The following METAP2 variants were observed in gnomAD, a reference collection of about 807,000 sequenced individuals.
METAP2 encodes the protein methionine aminopeptidase 2.
Under a neutral mutation model 59.4 loss-of-function variants are expected in METAP2, and 25 were observed. The observed-to-expected ratio is 0.42, with a 90% CI of 0.31 to 0.59. The LOEUF (loss-of-function observed/expected upper bound fraction) is 0.59, where lower values mean the gene tolerates loss of function less well. Ranked by LOEUF, METAP2 falls within the 20% of genes least tolerant of loss-of-function variation. The probability of loss-of-function intolerance (pLI) is 0.16; values close to 1 mark genes in which losing one functional copy is unlikely to be tolerated. For synonymous variants in METAP2, 214 were observed against 194.1 expected, an observed-to-expected ratio of 1.10 and a Z score of -0.85; for missense variants, 366 against 581.2, an observed-to-expected ratio of 0.63 and a Z score of 3.81.
intron 2 of METAP2, chr12:95,481,992 G>A (rs1188099025): frequency 3.4e-6 from 1 of 289,994 alleles, no homozygotes; most frequent in African/African-American, 2.3e-5. Flanking sequence ...GGTGAAGAAG[G>A]TTACTGTTAA....
chr12:95,495,971 A>G (rs1218351390), intron 6 of METAP2, 33 bp from the exon 7 acceptor site: 2 of 1,271,662 alleles, frequency 1.6e-6, no homozygotes, highest in East Asian at 2.3e-5. Flanking sequence ...ACTAGCTGAT[A>G]AGTAAAATTA....
At chr12:95,474,437 T>A in intron 1 of METAP2, 107 bp downstream of exon 1, 1 of 1,238,656 alleles carries the variant, frequency 8.1e-7, no homozygotes, top group Non-Finnish European at 1.1e-6. Context: ...CCGACTAGAC[T>A]GATTCTTGGG....
intron 4 of METAP2, among the ~76,000 whole-genome samples, chr12:95,490,566 ATT>A (rs67031623): frequency 0.4 from 41,403 of 102,468 alleles, 5,895 homozygotes; most frequent in East Asian, 0.63. Context: ...TGAAGCCTGT[ATT>A]TTTTTTTTTT....
At chr12:95,497,758 G>C (rs2076285597) in intron 7 of METAP2, among the ~76,000 whole-genome samples, 1 of 151,972 alleles carries the variant, frequency 6.6e-6, no homozygotes, top group Non-Finnish European at 1.5e-5. Flanking sequence ...GGTAGTTTTT[G>C]TTTGTTTTTT....
intron 8 of METAP2, among the ~76,000 whole-genome samples, chr12:95,509,880 C>G (rs960990852): frequency 6.8e-6 from 1 of 148,040 alleles, no homozygotes; most frequent in African/African-American, 2.5e-5. Flanking sequence ...ACTCTGTCGC[C>G]CAGACTGGAG....
Position 95,502,706 on chromosome 12 carries a change from A to G in METAP2, c.868-1359A>G, listed in dbSNP as rs151042084. Among the ~76,000 whole-genome samples, 1,057 of 152,128 alleles carry G rather than the reference A, an allele frequency of 6.9e-3. 7 individuals are homozygous for G. Among genetic ancestry groups the G allele is most frequent in the Non-Finnish European group, 7.5e-3 (507 of 68,006 alleles). On this transcript the variant is annotated intron_variant, in intron 7 of 10. Coordinates refer to ENST00000323666, the MANE Select transcript of METAP2 (RefSeq NM_006838.4). ...TCTTCTGAAAATTTCCATAATGCAT[A>G]TATTGGTATACTTGATATACAGGTC... is the stretch of plus-strand genomic sequence containing the variant.
intron 9 of METAP2, 112 bp downstream of exon 9, chr12:95,512,110 C>T (rs1313609626): frequency 4.6e-6 from 3 of 655,696 alleles, no homozygotes; most frequent in Middle Eastern, 2.6e-4. Flanking sequence ...TGCTTATCAT[C>T]CATATTCACC....
Position 95,493,738 on chromosome 12 carries a change from A to G in METAP2, c.429-318A>G, listed in dbSNP as rs556411731. 1.7e-4 allele frequency among the ~76,000 whole-genome samples: 26 copies of G among 152,296 alleles called. 1 individual carries two copies. The East Asian group carries it at 5.0e-3, about 29-fold the overall frequency. The stretch of plus-strand genomic sequence containing the variant: ...TCAAGTGGAAGGATGACTTTTTCCT[A>G]CTTACTCTGATTCTAGGACTCTTCA... On this transcript the variant is annotated intron_variant, in intron 4 of 10. Transcript: ENST00000323666.
chr12:95,504,851 G>C (rs1419402982), intron 8 of METAP2, among the ~76,000 whole-genome samples: 1 of 152,194 alleles, frequency 6.6e-6, no homozygotes, highest in Admixed American at 6.5e-5. Context: ...AGTTCCTTCT[G>C]TATCACTTTA....
intron 3 of METAP2, 184 bp downstream of exon 3, chr12:95,483,464 A>C: frequency 4.4e-6 from 1 of 226,336 alleles, no homozygotes. Context: ...CAACAGAGTG[A>C]GACTCTGTCT....
At position 95,495,893 on chromosome 12, in the gene METAP2, GCCTT is replaced by G. The variant is rs1429933709; in HGVS notation, c.773-109_773-106del. On this transcript the variant is annotated intron_variant, in intron 6 of 10. Transcript: ENST00000323666. ...TATTTGGAGTGCAGCCTTCATTTGAGCCTTCATTCTATTTTTCTGTTAAACTAGC... is the reference window on the plus strand; with the variant it reads ...TATTTGGAGTGCAGCCTTCATTTGAGCATTCTATTTTTCTGTTAAACTAGC... 21 of 670,106 alleles carry G rather than the reference GCCTT, an allele frequency of 3.1e-5. No individual in the cohort carries two copies. In the East Asian group the frequency reaches 5.4e-4, roughly 17 times the overall value. 41.5% of individuals were successfully genotyped at this position (670,106 alleles called of 1,614,324 possible). A position where few individuals can be genotyped will look rare whatever the true frequency, so the allele number is the denominator to read the frequency against.
At chr12:95,490,428 G>A (rs141671908) in intron 4 of METAP2, among the ~76,000 whole-genome samples, 9 of 151,110 alleles carry the variant, frequency 6.0e-5, no homozygotes, top group Middle Eastern at 3.4e-3. Flanking sequence ...TTTATCGTTC[G>A]TTTAAAGTAT....
At chr12:95,491,162 T>C (rs2076235321) in intron 4 of METAP2, among the ~76,000 whole-genome samples, 1 of 152,128 alleles carries the variant, frequency 6.6e-6, no homozygotes, top group Admixed American at 6.5e-5. Context: ...TTTGGTATCA[T>C]TTGGAATATC....
At position 95,474,326 on chromosome 12, in the gene METAP2, T is replaced by C; in HGVS notation, c.147T>C (p.Ser49=). Residue 49 remains serine, a synonymous_variant, in exon 1 of 11, where the codon TCT becomes TCC. Coordinates refer to ENST00000323666, the MANE Select transcript of METAP2 (RefSeq NM_006838.4). ...RRKKKKSKGP[S]AAGEQEPDKE... ...AGAAGAAGAAGAGCAAAGGGCCTTC[T>C]GCAGGTAAAGAGAGTTTTATGTTTT... The C allele has an allele frequency of 6.2e-7, 1 of 1,613,950 alleles. No homozygotes were observed. Among genetic ancestry groups the C allele is most frequent in the East Asian group, 2.2e-5 (1 of 44,884 alleles).
intron 2 of METAP2, chr12:95,482,159 A>C (rs1229593228): frequency 2.2e-6 from 1 of 452,838 alleles, no homozygotes; most frequent in Admixed American, 2.4e-5. Flanking sequence ...ACCCAGGCTG[A>C]CGTGCTGTGG....
chr12:95,508,776 C>CA (rs1408379667), intron 8 of METAP2, among the ~76,000 whole-genome samples: 1 of 152,178 alleles, frequency 6.6e-6, no homozygotes, highest in African/African-American at 2.4e-5. Context: ...CAGCCTGCAA[C>CA]ATCGGGATTT....
At chr12:95,502,643 C>G (rs1453322978) in intron 7 of METAP2, among the ~76,000 whole-genome samples, 1 of 151,798 alleles carries the variant, frequency 6.6e-6, no homozygotes, top group Admixed American at 6.6e-5. Context: ...GGGGAGTTTC[C>G]AGTCATTACT....
intron 7 of METAP2, among the ~76,000 whole-genome samples, chr12:95,498,972 C>T (rs555146743): frequency 6.6e-5 from 10 of 151,406 alleles, no homozygotes; most frequent in African/African-American, 1.9e-4. Flanking sequence ...GACAAGATTA[C>T]GCCACTGCGT....
chr12:95,481,589 T>G (rs1167405996), intron 2 of METAP2, among the ~76,000 whole-genome samples: 1 of 152,196 alleles, frequency 6.6e-6, no homozygotes, highest in African/African-American at 2.4e-5. Context: ...CTATAAATGG[T>G]GGCTGTTTTT....
Sources: allele counts gnomAD v4.1 joint callset (sites outside exome capture counted in the v4.1 genomes callset), GRCh38; gene constraint gnomAD v4.1.1; transcripts MANE v1.5; gene names NCBI Gene and HGNC (gene_info 2026-07-23, HGNC 2026-07-21).